The following WDR72 variants were observed in gnomAD, a reference collection of about 807,000 sequenced individuals.
WDR72 encodes WD repeat domain 72.
A neutral mutation model predicts 124.2 loss-of-function variants in WDR72; 120 were observed. The observed-to-expected ratio is 0.97, with a 90% CI of 0.83 to 1.12. The LOEUF is 1.12. Ranked by LOEUF, WDR72 falls within the 50% of genes most tolerant of loss-of-function variation. The probability of loss-of-function intolerance (pLI) is 0.00; values close to 1 mark genes in which losing one functional copy is unlikely to be tolerated. For synonymous variants in WDR72, 452 were observed against 441.7 expected (o/e 1.02, Z -0.29); for missense variants, 1,387 against 1,278.8 (o/e 1.08, Z -1.29).
chr15:53,551,088 G>C (rs1893709064), intron 18 of WDR72, among the ~76,000 whole-genome samples: 1 of 152,094 alleles, frequency 6.6e-6, no homozygotes, highest in East Asian at 1.9e-4. Context: ...TAGGTGAAGA[G>C]TAGGCAATGG....
In WDR72 at chr15:53,562,315, C is replaced by T. The variant is rs199549774; in HGVS notation, c.3148+34764G>A. 5.3e-5 allele frequency among the ~76,000 whole-genome samples: 8 copies of T among 151,586 alleles called. No individual in the cohort carries two copies. The East Asian group carries it at 1.2e-3, about 22-fold the overall frequency. On this transcript the variant is annotated intron_variant, in intron 18 of 19. Coordinates refer to ENST00000360509, the MANE Select transcript of WDR72 (RefSeq NM_182758.4). ...CTGTGGCCTAGTTTTCTCTTAATTG[C>T]CCCCCACCCCAATTATTTCTTAATT...
intron 18 of WDR72, among the ~76,000 whole-genome samples, chr15:53,572,555 C>T (rs1894579209): frequency 6.6e-6 from 1 of 151,904 alleles, no homozygotes; most frequent in African/African-American, 2.4e-5. Flanking sequence ...TCGAAAAGCA[C>T]AATCCATGAA....
At chr15:53,663,211 A>G (rs1016529584) in intron 14 of WDR72, among the ~76,000 whole-genome samples, 4 of 152,128 alleles carry the variant, frequency 2.6e-5, no homozygotes, top group African/African-American at 9.6e-5. Flanking sequence ...AATTAAAAAG[A>G]TATAACTTAG....
chr15:53,584,068 A>C (rs903692515), intron 18 of WDR72, among the ~76,000 whole-genome samples: 2 of 152,016 alleles, frequency 1.3e-5, no homozygotes, highest in African/African-American at 4.8e-5. Flanking sequence ...GTAGAGAAGG[A>C]GGTTAATAAT....
chr15:53,564,847 C>A (rs1201761818), intron 18 of WDR72, among the ~76,000 whole-genome samples: 1 of 151,804 alleles, frequency 6.6e-6, no homozygotes, highest in Non-Finnish European at 1.5e-5. Flanking sequence ...CGATAATAAG[C>A]TTAGTGTGCA....
intron 18 of WDR72, among the ~76,000 whole-genome samples, chr15:53,534,298 T>C (rs1035054737): frequency 3.9e-5 from 6 of 152,100 alleles, no homozygotes; most frequent in Non-Finnish European, 7.4e-5. Context: ...GTGGATCATA[T>C]TATGCAATAT....
intron 13 of WDR72, among the ~76,000 whole-genome samples, chr15:53,691,781 G>A (rs948309491): frequency 6.6e-6 from 1 of 152,176 alleles, no homozygotes; most frequent in Non-Finnish European, 1.5e-5. Flanking sequence ...GGAAACTAGG[G>A]CTCTGGTCAA....
intron 1 of WDR72, among the ~76,000 whole-genome samples, chr15:53,753,971 A>T (rs1473132672): frequency 1.3e-5 from 2 of 152,168 alleles, no homozygotes; most frequent in Non-Finnish European, 2.9e-5. Flanking sequence ...CACTTCTTAA[A>T]GGCCTTGAAA....
intron 2 of WDR72, among the ~76,000 whole-genome samples, chr15:53,723,869 C>T (rs1164212994): frequency 2.0e-5 from 3 of 152,172 alleles, no homozygotes; most frequent in Non-Finnish European, 4.4e-5. Flanking sequence ...ATGCAATCCT[C>T]TTTTCTTTTT....
intron 18 of WDR72, among the ~76,000 whole-genome samples, chr15:53,534,619 T>A (rs1426357041): frequency 6.6e-6 from 1 of 152,152 alleles, no homozygotes; most frequent in African/African-American, 2.4e-5. Context: ...TGATCTTTGC[T>A]ATGATTCATG....
chr15:53,514,467 C>T lies in WDR72; in HGVS notation c.*3232G>A, dbSNP rs1484838636. ...TCTAAGGATGGAAGAGAAATAGTATCTTTTCTAAAGTGTTCATTATAATAA... is the reference window on the plus strand; with the variant it reads ...TCTAAGGATGGAAGAGAAATAGTATTTTTTCTAAAGTGTTCATTATAATAA... On this transcript the variant is annotated 3_prime_UTR_variant, in exon 20 of 20. Transcript: ENST00000360509. 6.6e-6 allele frequency: 1 copy of T among 151,912 alleles called. No individual in the cohort carries two copies. The highest frequency in any genetic ancestry group is 1.5e-5 in the Non-Finnish European group (1 of 67,986). 9.4% of individuals were successfully genotyped at this position (151,912 alleles called of 1,614,324 possible).
intron 2 of WDR72, among the ~76,000 whole-genome samples, chr15:53,724,038 G>A (rs900036513): frequency 1.3e-5 from 2 of 152,108 alleles, no homozygotes; most frequent in African/African-American, 2.4e-5. Context: ...AGGATATTAC[G>A]CTAAATAAAA....
At chr15:53,743,643 G>C (rs543373327) in intron 1 of WDR72, among the ~76,000 whole-genome samples, 1 of 152,208 alleles carries the variant, frequency 6.6e-6, no homozygotes, top group Non-Finnish European at 1.5e-5. Flanking sequence ...TTTTAATATT[G>C]ATTTTTAAAG....
intron 18 of WDR72, among the ~76,000 whole-genome samples, chr15:53,541,541 GAAAAAACAGAACA>G (rs1893136298): frequency 6.6e-6 from 1 of 151,346 alleles, no homozygotes; most frequent in Admixed American, 6.6e-5. Context: ...CAAAGATGGG[GAAAAAACAGAACA>G]GAAAAACTGG....
intron 18 of WDR72, among the ~76,000 whole-genome samples, chr15:53,537,654 T>A (rs1049735467): frequency 6.6e-6 from 1 of 152,208 alleles, no homozygotes; most frequent in African/African-American, 2.4e-5. Flanking sequence ...CTCAGCCTAA[T>A]GGCTCAAATG....
chr15:53,612,392 A>G (rs1023138803), intron 16 of WDR72, among the ~76,000 whole-genome samples: 2 of 152,050 alleles, frequency 1.3e-5, no homozygotes, highest in Non-Finnish European at 2.9e-5. Context: ...TACAACAGCG[A>G]AAGGGGTAGG....
chr15:53,605,719 G>A (rs1566979956), intron 17 of WDR72, among the ~76,000 whole-genome samples: 1 of 152,130 alleles, frequency 6.6e-6, no homozygotes, highest in Non-Finnish European at 1.5e-5. Context: ...GCTGGGCATG[G>A]TGGTTCATGC....
intron 18 of WDR72, among the ~76,000 whole-genome samples, chr15:53,580,739 T>C (rs147904383): frequency 2.0e-3 from 305 of 151,882 alleles, no homozygotes; most frequent in African/African-American, 7.2e-3. Context: ...CAACTAAAAG[T>C]GGCCATGGAA....
chr15:53,637,062 C>T (rs947516840), intron 14 of WDR72, among the ~76,000 whole-genome samples: 4 of 152,104 alleles, frequency 2.6e-5, no homozygotes, highest in Non-Finnish European at 5.9e-5. Context: ...TACAGATTTT[C>T]CTTTTTTGGA....
Sources: allele counts gnomAD v4.1 joint callset (sites outside exome capture counted in the v4.1 genomes callset), GRCh38; gene constraint gnomAD v4.1.1; transcripts MANE v1.5; gene names NCBI Gene and HGNC (gene_info 2026-07-23, HGNC 2026-07-21).